STIP1: variants seen among roughly 807,000 people sequenced by gnomAD.
STIP1 encodes stress induced phosphoprotein 1.
STIP1 carries 16 observed loss-of-function variants against 77.4 expected under a neutral mutation model. The observed-to-expected ratio is 0.21, with a 90% CI of 0.14 to 0.31. STIP1 has a LOEUF of 0.31. Among genes scored for constraint, STIP1 ranks in the 10% least tolerant of loss-of-function variants. The pLI is 1.00. For missense variants in STIP1, 524 were observed against 684.8 expected (o/e 0.77, Z 2.62); for synonymous variants, 258 against 246.6 (o/e 1.05, Z -0.44).
rs918577455 is a variant in STIP1, at chr11:64,197,768, G to T, written c.903-86G>T. On this transcript the variant is annotated intron_variant, in intron 7 of 13. Transcript: ENST00000305218. ...AAAGGTGTTGAAGGCAGTGATGCGG[G>T]CCTTTCTAGCTGCAGGTGTGTTTTT... 2.5e-6 allele frequency: 4 copies of T among 1,574,404 alleles called. No homozygotes were observed. In the African/African-American group the frequency reaches 4.1e-5, roughly 16 times the overall value.
chr11:64,203,331 C>G (rs1431869183), intron 12 of STIP1, 103 bp downstream of exon 12: 3 of 1,574,284 alleles, frequency 1.9e-6, no homozygotes, highest in Non-Finnish European at 2.6e-6. Flanking sequence ...CCATTTCTCT[C>G]TGTTTCTCTC....
At chr11:64,199,703 A>G (rs960074036) in intron 8 of STIP1, among the ~76,000 whole-genome samples, 1 of 150,166 alleles carries the variant, frequency 6.7e-6, no homozygotes, top group African/African-American at 2.5e-5. Context: ...AGCTGGGACT[A>G]CAGGCTCCCG....
At chr11:64,192,747 T>C (rs1017921526) in intron 1 of STIP1, among the ~76,000 whole-genome samples, 1 of 152,172 alleles carries the variant, frequency 6.6e-6, no homozygotes, top group African/African-American at 2.4e-5. Context: ...CTGTGGCAAA[T>C]GAATTGACTT....
chr11:64,203,114 C>T lies in STIP1; in HGVS notation c.1283-11C>T, dbSNP rs1458762603. ...TGCGGTTGGATAACGCGCCACCTTT[C>T]CTGTTTGTAGTCAAGGGTTATACAC... On this transcript the variant is annotated splice_polypyrimidine_tract_variant and intron_variant, in intron 11 of 13. Coordinates refer to ENST00000305218, the MANE Select transcript of STIP1 (RefSeq NM_006819.3). 3 of 1,614,146 alleles carry T rather than the reference C, an allele frequency of 1.9e-6. No homozygotes were observed. The highest frequency in any genetic ancestry group is 4.5e-5 in the East Asian group (2 of 44,872).
chr11:64,195,906 T>G (rs2701539), intron 5 of STIP1, 93 bp downstream of exon 5: 107,236 of 1,553,468 alleles, frequency 0.069, 4,365 homozygotes, highest in Admixed American at 0.14. Flanking sequence ...TGATTGACCA[T>G]GATTATTATG....
intron 1 of STIP1, among the ~76,000 whole-genome samples, chr11:64,189,323 T>C (rs1276677306): frequency 1.3e-5 from 2 of 151,980 alleles, no homozygotes; most frequent in African/African-American, 2.4e-5. Context: ...ATTGCGCCAC[T>C]GCACTCCAGA....
chr11:64,202,240 A>AT (rs922902536), intron 10 of STIP1, among the ~76,000 whole-genome samples: 47 of 149,896 alleles, frequency 3.1e-4, no homozygotes, highest in African/African-American at 4.4e-4. Flanking sequence ...GTTTGTTTTT[A>AT]TTTTTTTTTG....
At chr11:64,185,498 G>A (rs1225913284), upstream of STIP1, 4 of 352,024 alleles carry the variant, frequency 1.1e-5, no homozygotes, top group Non-Finnish European at 1.1e-5. Flanking sequence ...TGGACAACGC[G>A]GGTAGCTGGC....
At chr11:64,198,614 T>G (rs946108348) in intron 8 of STIP1, among the ~76,000 whole-genome samples, 1 of 152,172 alleles carries the variant, frequency 6.6e-6, no homozygotes, top group Non-Finnish European at 1.5e-5. Flanking sequence ...CCCAAAGTGC[T>G]GGAATTATAG....
intron 1 of STIP1, 114 bp downstream of exon 1, chr11:64,186,384 G>T: frequency 8.7e-7 from 1 of 1,155,204 alleles, no homozygotes; most frequent in East Asian, 3.5e-5. Flanking sequence ...GCTCGGCGCT[G>T]GGGCCGGACG....
intron 10 of STIP1, among the ~76,000 whole-genome samples, chr11:64,200,569 T>G (rs1946206962): frequency 6.7e-6 from 1 of 150,132 alleles, no homozygotes; most frequent in Non-Finnish European, 1.5e-5. Context: ...GTGTAAAATA[T>G]GGGACCTGTA....
chr11:64,203,066 G>T, intron 11 of STIP1, 59 bp from the exon 12 acceptor site: 1 of 1,604,726 alleles, frequency 6.2e-7, no homozygotes, highest in African/African-American at 1.3e-5. Flanking sequence ...AGGTGAAGAG[G>T]TGCAAGGAGC....
intron 8 of STIP1, among the ~76,000 whole-genome samples, chr11:64,198,753 G>GTTTT (rs371481270): frequency 0.017 from 1,938 of 110,952 alleles, 26 homozygotes; most frequent in Non-Finnish European, 0.026. Flanking sequence ...TTTTTTTGTG[G>GTTTT]TTTTTTTTTT....
chr11:64,196,622 A>G (rs1029749832), intron 5 of STIP1, among the ~76,000 whole-genome samples: 1 of 152,094 alleles, frequency 6.6e-6, no homozygotes, highest in Non-Finnish European at 1.5e-5. Flanking sequence ...CTGGCTGGAC[A>G]TGGTGTGTGG....
intron 13 of STIP1, 54 bp from the exon 14 acceptor site, chr11:64,204,000 C>A: frequency 6.3e-7 from 1 of 1,596,402 alleles, no homozygotes; most frequent in Non-Finnish European, 8.6e-7. Context: ...GCTCTGAGAG[C>A]AAGTAAGACT....
intron 11 of STIP1, 94 bp from the exon 12 acceptor site, chr11:64,203,028 TCAG>T (rs1298786270): frequency 3.1e-6 from 5 of 1,589,390 alleles, no homozygotes; most frequent in African/African-American, 2.7e-5. Context: ...GGATCCAACA[TCAG>T]CAGGTGTGAA....
upstream of STIP1, chr11:64,185,338 G>C (rs1945997178): frequency 5.8e-6 from 1 of 172,424 alleles, no homozygotes; most frequent in Admixed American, 5.8e-5. Flanking sequence ...GTTCCACTGA[G>C]GACGCCCAAG....
At chr11:64,200,796 C>A (rs189061695) in intron 10 of STIP1, among the ~76,000 whole-genome samples, 1 of 151,920 alleles carries the variant, frequency 6.6e-6, no homozygotes, top group East Asian at 1.9e-4. Flanking sequence ...CATGTGGTGT[C>A]TGTGTTTACT....
chr11:64,196,024 C>T (rs1471173570), intron 5 of STIP1: 2 of 652,808 alleles, frequency 3.1e-6, no homozygotes, highest in African/African-American at 3.7e-5. Context: ...GCCACTGTGC[C>T]CACCTAAAAC....
Sources: allele counts gnomAD v4.1 joint callset (sites outside exome capture counted in the v4.1 genomes callset), GRCh38; gene constraint gnomAD v4.1.1; transcripts MANE v1.5; gene names NCBI Gene and HGNC (gene_info 2026-07-23, HGNC 2026-07-21).